Variants in DLC1 observed in about 807,000 individuals in gnomAD.
DLC1 encodes rho GTPase-activating protein 7.
Under a neutral mutation model 140.3 loss-of-function variants are expected in DLC1, and 54 were observed. That is an observed-to-expected ratio of 0.38 (90% CI 0.31 to 0.48). The LOEUF (loss-of-function observed/expected upper bound fraction) is 0.48, where lower values mean the gene tolerates loss of function less well. Among genes scored for constraint, DLC1 ranks in the 20% least tolerant of loss-of-function variants. The probability of loss-of-function intolerance (pLI) is 0.96; values close to 1 mark genes in which losing one functional copy is unlikely to be tolerated. For missense variants in DLC1, 2,536 were observed against 1,907.0 expected, an observed-to-expected ratio of 1.33 and a Z score of -6.14; for synonymous variants, 986 against 728.1, an observed-to-expected ratio of 1.35 and a Z score of -5.70.
chr8:13,223,398 A>T (rs1368269646), intron 5 of DLC1, among the ~76,000 whole-genome samples: 1 of 152,166 alleles, frequency 6.6e-6, no homozygotes, highest in Non-Finnish European at 1.5e-5. Context: ...ATAATACAAT[A>T]ATCTGTTTGC....
At chr8:13,174,002 C>T (rs1199762513) in intron 5 of DLC1, among the ~76,000 whole-genome samples, 1 of 152,062 alleles carries the variant, frequency 6.6e-6, no homozygotes, top group African/African-American at 2.4e-5. Context: ...TTTCTCAGCC[C>T]TTGTTTCCCT....
intron 1 of DLC1, among the ~76,000 whole-genome samples, chr8:13,520,951 T>A (rs1399242890): frequency 2.0e-5 from 3 of 151,988 alleles, no homozygotes; most frequent in Non-Finnish European, 4.4e-5. Context: ...AAAAAAAGGG[T>A]CCATATATCT....
intron 5 of DLC1, among the ~76,000 whole-genome samples, chr8:13,172,513 C>A (rs575345569): frequency 6.6e-6 from 1 of 152,196 alleles, no homozygotes; most frequent in Non-Finnish European, 1.5e-5. Flanking sequence ...TGGAACATAG[C>A]AACCCCTCAA....
chr8:13,445,212 T>A (rs1010627514), intron 2 of DLC1, among the ~76,000 whole-genome samples: 1 of 152,176 alleles, frequency 6.6e-6, no homozygotes, highest in African/African-American at 2.4e-5. Context: ...ATGCTCTTGG[T>A]GTCTCAATTT....
chr8:13,161,028 C>A (rs1824650896), intron 5 of DLC1, among the ~76,000 whole-genome samples: 1 of 152,184 alleles, frequency 6.6e-6, no homozygotes, highest in South Asian at 2.1e-4. Flanking sequence ...TTGCAGTGAG[C>A]CGAGATCGCG....
chr8:13,516,396 T>G (rs1802587016), upstream of DLC1, among the ~76,000 whole-genome samples: 1 of 152,232 alleles, frequency 6.6e-6, no homozygotes, highest in Admixed American at 6.5e-5. Flanking sequence ...CATCCCTGTA[T>G]ATCACAAGGG....
At chr8:13,380,315 T>C (rs1167059710) in intron 4 of DLC1, among the ~76,000 whole-genome samples, 1 of 152,264 alleles carries the variant, frequency 6.6e-6, no homozygotes, top group Non-Finnish European at 1.5e-5. Context: ...TTTTATTGTG[T>C]TCAAATTTAT....
In DLC1 at chr8:13,168,547, G is replaced by C. The variant is rs80075406; in HGVS notation, c.1349-52890C>G. On this transcript the variant is annotated intron_variant, in intron 5 of 17. Transcript: ENST00000276297. The stretch of plus-strand genomic sequence containing the variant: ...TTAAAATACGTAGATTAATGGTCAG[G>C]ATATTACTGCCAATCAGGAAAGGGA... Among the ~76,000 whole-genome samples, 638 of 152,290 alleles carry C rather than the reference G, an allele frequency of 4.2e-3. 3 individuals carry two copies. The highest frequency in any genetic ancestry group is 7.2e-3 in the Non-Finnish European group (487 of 68,020).
intron 1 of DLC1, among the ~76,000 whole-genome samples, chr8:13,547,783 C>T (rs1206181080): frequency 6.6e-6 from 1 of 152,038 alleles, no homozygotes; most frequent in Non-Finnish European, 1.5e-5. Context: ...TTTCTAATCT[C>T]TTCTCCCAAC....
intron 4 of DLC1, among the ~76,000 whole-genome samples, chr8:13,388,105 T>C (rs942573285): frequency 6.6e-6 from 1 of 152,078 alleles, no homozygotes. Flanking sequence ...ATTAATAAAT[T>C]CCAGAATAAG....
intron 4 of DLC1, chr8:13,338,553 G>A (rs760008254): frequency 3.9e-5 from 6 of 152,166 alleles, no homozygotes; most frequent in Non-Finnish European, 8.8e-5. Flanking sequence ...AATATTTAGT[G>A]AGCATTTATC....
At chr8:13,192,735 G>T (rs1826833372) in intron 5 of DLC1, among the ~76,000 whole-genome samples, 1 of 152,188 alleles carries the variant, frequency 6.6e-6, no homozygotes, top group Admixed American at 6.5e-5. Flanking sequence ...GCAGGATCCT[G>T]ATCCAATAGG....
At chr8:13,590,109 C>T (rs767623123) in intron 1 of DLC1, among the ~76,000 whole-genome samples, 6 of 136,482 alleles carry the variant, frequency 4.4e-5, no homozygotes, top group Non-Finnish European at 9.6e-5. Flanking sequence ...TTTTATTTTC[C>T]CCTGAAGTTT....
At chr8:13,171,968 TA>T (rs1825509771) in intron 5 of DLC1, among the ~76,000 whole-genome samples, 1 of 152,142 alleles carries the variant, frequency 6.6e-6, no homozygotes, top group Non-Finnish European at 1.5e-5. Flanking sequence ...AGCTCAGAAT[TA>T]GTTAATGGGC....
At chr8:13,579,587 A>G (rs1563454375) in intron 1 of DLC1, among the ~76,000 whole-genome samples, 1 of 131,978 alleles carries the variant, frequency 7.6e-6, no homozygotes, top group East Asian at 2.1e-4. Flanking sequence ...ATTATATTTT[A>G]TATTATATAT....
intron 5 of DLC1, among the ~76,000 whole-genome samples, chr8:13,258,969 C>T (rs986090178): frequency 6.6e-6 from 1 of 151,928 alleles, no homozygotes; most frequent in East Asian, 1.9e-4. Flanking sequence ...AACCCCATCT[C>T]TACTAAAAAT....
At chr8:13,470,171 G>A (rs1482807905) in intron 2 of DLC1, among the ~76,000 whole-genome samples, 1 of 152,222 alleles carries the variant, frequency 6.6e-6, no homozygotes, top group African/African-American at 2.4e-5. Flanking sequence ...AAGGAAGAAA[G>A]CATATTTGTC....
At chr8:13,576,938 C>G (rs1458456177) in intron 1 of DLC1, among the ~76,000 whole-genome samples, 1 of 151,898 alleles carries the variant, frequency 6.6e-6, no homozygotes, top group Non-Finnish European at 1.5e-5. Context: ...AGTAATATCT[C>G]TGACTGCAAA....
intron 5 of DLC1, among the ~76,000 whole-genome samples, chr8:13,175,047 G>C (rs977234051): frequency 6.6e-6 from 1 of 152,066 alleles, no homozygotes; most frequent in Admixed American, 6.6e-5. Context: ...TTTGAATACA[G>C]TGAAAGGTAG....
Sources: gnomAD v4.1 joint callset for allele counts (sites outside exome capture counted in the v4.1 genomes callset) on GRCh38, gnomAD v4.1.1 for gene constraint, MANE v1.5 for transcripts, NCBI Gene and HGNC (gene_info 2026-07-23, HGNC 2026-07-21) for gene names.